HERPUD2: variants seen among roughly 807,000 people sequenced by gnomAD.
The protein encoded by HERPUD2 is homocysteine-responsive endoplasmic reticulum-resident ubiquitin-like domain member 2 protein.
HERPUD2 carries 13 observed loss-of-function variants against 49.9 expected under a neutral mutation model. The ratio of observed to expected loss-of-function variants is 0.26; its 90% CI spans 0.17 to 0.41. The LOEUF is 0.41. Among genes scored for constraint, HERPUD2 ranks in the 10% least tolerant of loss-of-function variants. The probability of loss-of-function intolerance (pLI) is 1.00; values close to 1 mark genes in which losing one functional copy is unlikely to be tolerated. For missense variants in HERPUD2, 449 were observed against 492.2 expected (o/e 0.91, Z 0.83); for synonymous variants, 172 against 171.4 (o/e 1.00, Z -0.03).
At chr7:35,653,415 G>A (rs1337094334) in intron 5 of HERPUD2, among the ~76,000 whole-genome samples, 1 of 152,140 alleles carries the variant, frequency 6.6e-6, no homozygotes, top group Non-Finnish European at 1.5e-5. Context: ...AGACCACTCA[G>A]CTCTATCAAG....
chr7:35,670,364 C>A, intron 3 of HERPUD2, 36 bp from the exon 4 acceptor site: 3 of 1,023,338 alleles, frequency 2.9e-6, no homozygotes, highest in South Asian at 4.4e-5. Flanking sequence ...AAGGGTAGTA[C>A]TACAAAATGT....
rs749154087 is a variant in HERPUD2 at position 35,673,249 on chromosome 7, C to T, written c.177G>A (p.Ser59=). The change falls in exon 3 of 9, where the codon TCG becomes TCA. Residue 59 remains serine (S), a synonymous_variant. Transcript: ENST00000311350. ...GCAGATGATCGGGAAGCAGTCTGCC[C>T]GAATACACCAATCTCTGATCCTTCG... ...PLTKDQRLVY[S]GRLLPDHLQL... The T allele has an allele frequency of 1.7e-5, 28 of 1,611,172 alleles. No homozygotes were observed. The Admixed American group carries it at 2.4e-4, about 14-fold the overall frequency.
At chr7:35,642,064 A>G (rs1784975256) in intron 5 of HERPUD2, among the ~76,000 whole-genome samples, 1 of 152,258 alleles carries the variant, frequency 6.6e-6, no homozygotes, top group Admixed American at 6.5e-5. Flanking sequence ...CAAACTATAC[A>G]TCAGACAAAG....
At chr7:35,634,159 C>G (rs1784832315) in intron 8 of HERPUD2, among the ~76,000 whole-genome samples, 153 bp downstream of exon 8, 1 of 152,166 alleles carries the variant, frequency 6.6e-6, no homozygotes, top group Non-Finnish European at 1.5e-5. Context: ...TAAGTTCTCC[C>G]AAATGAAACC....
In HERPUD2 at chr7:35,694,398, C is replaced by T. The variant is rs1786268836; in HGVS notation, c.-68G>A. The T allele has an allele frequency of 6.4e-7, 1 of 1,559,614 alleles. No individual in the cohort carries two copies. The highest frequency in any genetic ancestry group is 8.8e-7 in the Non-Finnish European group (1 of 1,132,392). The stretch of plus-strand genomic sequence containing the variant: ...AGCCCAAAAGAGCCGAGATGGTCAC[C>T]GCCGGCGCGACTGGGATGAGGACAG... On this transcript the variant is annotated 5_prime_UTR_variant, in exon 2 of 9. Transcript: ENST00000311350.
At chr7:35,675,097 T>A (rs1785731916) in intron 2 of HERPUD2, among the ~76,000 whole-genome samples, 1 of 152,194 alleles carries the variant, frequency 6.6e-6, no homozygotes, top group Non-Finnish European at 1.5e-5. Flanking sequence ...GGCAGTCTTG[T>A]GGGATTGAGC....
In HERPUD2 at chr7:35,652,229, G is replaced by A. The variant is rs566934410; in HGVS notation, c.495-13757C>T. ...ACGGTGCGCTCAGTCCTCTCACTGAGGCACCCCACTGCACCGTTTTGCAGC... is the reference window on the plus strand; with the variant it reads ...ACGGTGCGCTCAGTCCTCTCACTGAAGCACCCCACTGCACCGTTTTGCAGC... On this transcript the variant is annotated intron_variant, in intron 5 of 8. Coordinates refer to ENST00000311350, the MANE Select transcript of HERPUD2 (RefSeq NM_022373.5). Among the ~76,000 whole-genome samples the A allele has an allele frequency of 2.0e-5, 3 of 152,250 alleles. No individual in the cohort carries two copies. The South Asian group carries it at 6.2e-4, about 32-fold the overall frequency.
intron 2 of HERPUD2, among the ~76,000 whole-genome samples, chr7:35,687,478 G>A (rs1049355314): frequency 2.6e-5 from 4 of 152,150 alleles, no homozygotes; most frequent in African/African-American, 7.2e-5. Context: ...ATAAGACAAA[G>A]AACAAGTTGG....
In HERPUD2 at chr7:35,694,611, C is replaced by T. The variant is rs561299825; in HGVS notation, c.-281G>A. On this transcript the variant is annotated 5_prime_UTR_variant, in exon 2 of 9. Transcript: ENST00000311350. ...CCGGGCTCCGGACTGTGGAGGCCGT[C>T]GTGAGGAGAAAGGAAGCTATACGAA... 66 of 426,276 alleles carry T rather than the reference C, an allele frequency of 1.5e-4. No individual in the cohort carries two copies. The highest frequency in any genetic ancestry group is 8.7e-4 in the South Asian group (30 of 34,418). The allele number at this position is 426,276 out of a possible 1,614,324, so 26.4% of individuals were successfully genotyped here.
chr7:35,664,005 T>C (rs1785486509), intron 5 of HERPUD2, among the ~76,000 whole-genome samples: 1 of 152,218 alleles, frequency 6.6e-6, no homozygotes, highest in Non-Finnish European at 1.5e-5. Context: ...TCTTTACAAT[T>C]TGGCATGTTT....
chr7:35,646,572 G>GA (rs1341338270), intron 5 of HERPUD2, among the ~76,000 whole-genome samples: 1 of 152,030 alleles, frequency 6.6e-6, no homozygotes, highest in Non-Finnish European at 1.5e-5. Context: ...TTTAAAAAAA[G>GA]AAAAAGCAAG....
intron 5 of HERPUD2, among the ~76,000 whole-genome samples, chr7:35,651,365 C>T (rs748725003): frequency 1.3e-5 from 2 of 152,118 alleles, no homozygotes; most frequent in Non-Finnish European, 2.9e-5. Flanking sequence ...CCACTGCCAT[C>T]GCTGGGACCT....
intron 5 of HERPUD2, among the ~76,000 whole-genome samples, chr7:35,653,908 AAGG>A (rs1785220612): frequency 1.3e-5 from 2 of 152,096 alleles, no homozygotes; most frequent in African/African-American, 4.8e-5. Context: ...GCTGAGGCAG[AAGG>A]ACTGTTTCAG....
intron 4 of HERPUD2, among the ~76,000 whole-genome samples, chr7:35,669,117 A>G (rs1017530560): frequency 3.9e-5 from 6 of 152,140 alleles, no homozygotes; most frequent in Non-Finnish European, 7.4e-5. Flanking sequence ...GAAGCAATGC[A>G]ACTGTGTCCG....
rs183795266 is a variant in HERPUD2, at chr7:35,635,833, C to T, written c.618-375G>A. Among the ~76,000 whole-genome samples, 377 of 152,302 alleles carry T rather than the reference C, an allele frequency of 2.5e-3. 1 individual carries two copies. Among genetic ancestry groups the T allele is most frequent in the Non-Finnish European group, 4.5e-3 (309 of 68,034 alleles). On this transcript the variant is annotated intron_variant, in intron 6 of 8. Transcript: ENST00000311350. Reference sequence around the variant, plus strand: ...TCTACATGGGATGAATACTCCCAAGCTCACCACCTACCTCTCCCTCAGACC... The same window carrying T: ...TCTACATGGGATGAATACTCCCAAGTTCACCACCTACCTCTCCCTCAGACC...
At chr7:35,693,593 A>AT (rs1448863846) in intron 2 of HERPUD2, among the ~76,000 whole-genome samples, 1 of 151,670 alleles carries the variant, frequency 6.6e-6, no homozygotes, top group Non-Finnish European at 1.5e-5. Flanking sequence ...TCTCACTCGC[A>AT]TATTAGGTTG....
At chr7:35,684,354 C>T (rs1436406218) in intron 2 of HERPUD2, among the ~76,000 whole-genome samples, 1 of 151,810 alleles carries the variant, frequency 6.6e-6, no homozygotes, top group South Asian at 2.1e-4. Context: ...CGCACCACTG[C>T]ACTCCAGCCT....
intron 2 of HERPUD2, among the ~76,000 whole-genome samples, chr7:35,675,227 C>A (rs1785735979): frequency 6.6e-6 from 1 of 152,172 alleles, no homozygotes; most frequent in Non-Finnish European, 1.5e-5. Flanking sequence ...GGAGAGAAAT[C>A]CCCACACATT....
chr7:35,670,427 T>A, intron 3 of HERPUD2, 99 bp from the exon 4 acceptor site: 1 of 445,588 alleles, frequency 2.2e-6, no homozygotes, highest in Non-Finnish European at 4.0e-6. Flanking sequence ...TAGGTCCCTT[T>A]CGAGCCTAGC....
Sources: allele counts gnomAD v4.1 joint callset (sites outside exome capture counted in the v4.1 genomes callset), GRCh38; gene constraint gnomAD v4.1.1; transcripts MANE v1.5; gene names NCBI Gene and HGNC (gene_info 2026-07-23, HGNC 2026-07-21).